CADPS2: variants seen among roughly 807,000 people sequenced by gnomAD.
CADPS2 encodes calcium dependent secretion activator 2, also known as calcium-dependent secretion activator 2.
CADPS2 carries 93 observed loss-of-function variants against 172.5 expected under a neutral mutation model. The ratio of observed to expected loss-of-function variants is 0.54; its 90% CI spans 0.46 to 0.64. The LOEUF (loss-of-function observed/expected upper bound fraction) is 0.64, where lower values mean the gene tolerates loss of function less well. Ranked by LOEUF, CADPS2 falls within the 30% of genes least tolerant of loss-of-function variation. The probability of loss-of-function intolerance (pLI) is 0.00; values close to 1 mark genes in which losing one functional copy is unlikely to be tolerated. For synonymous variants in CADPS2, 546 were observed against 555.2 expected, an observed-to-expected ratio of 0.98 and a Z score of 0.23; for missense variants, 1,420 against 1,565.9, an observed-to-expected ratio of 0.91 and a Z score of 1.57.
rs1438784051 is a variant in CADPS2 at position 122,698,613 on chromosome 7, A to G, written c.454-35044T>C. The G allele has an allele frequency of 2.0e-5, 33 of 1,614,092 alleles. No individual in the cohort carries two copies. The East Asian group carries it at 7.4e-4, about 36-fold the overall frequency. On this transcript the variant is annotated intron_variant, in intron 2 of 29. Transcript: ENST00000449022. Reference sequence around the variant, plus strand: ...TACAACCTCCCCGTTCAATAAGTGCAAGCCAGGTCTCTGAGTACTTTGATC... The same window carrying G: ...TACAACCTCCCCGTTCAATAAGTGCGAGCCAGGTCTCTGAGTACTTTGATC...
chr7:122,578,509 G>A (rs984810799), intron 7 of CADPS2, among the ~76,000 whole-genome samples: 8 of 152,002 alleles, frequency 5.3e-5, no homozygotes, highest in Non-Finnish European at 1.2e-4. Context: ...ATCTTTAGGA[G>A]GGCTTATTAA....
chr7:122,341,147 A>T (rs2036723593), intron 28 of CADPS2, among the ~76,000 whole-genome samples: 1 of 152,204 alleles, frequency 6.6e-6, no homozygotes, highest in Non-Finnish European at 1.5e-5. Context: ...CTTTTTAAAA[A>T]AATTTGGGTT....
At position 122,436,867 on chromosome 7, in the gene CADPS2, G is replaced by A. The variant is rs76220744; in HGVS notation, c.2476+1474C>T. Among the ~76,000 whole-genome samples, 1,418 of 152,136 alleles carry A rather than the reference G, an allele frequency of 9.3e-3. 26 individuals are homozygous for A. Among genetic ancestry groups the A allele is most frequent in the African/African-American group, 0.032 (1,347 of 41,518 alleles). On this transcript the variant is annotated intron_variant, in intron 17 of 29. Coordinates refer to ENST00000449022, the MANE Select transcript of CADPS2 (RefSeq NM_017954.11). ...TGGCTATAAAATACAAAGATAAAGT[G>A]CACTGCATATATCTTTTCTGTATCC...
intron 27 of CADPS2, among the ~76,000 whole-genome samples, chr7:122,351,239 G>A (rs1344287054): frequency 6.6e-6 from 1 of 151,170 alleles, no homozygotes; most frequent in South Asian, 2.1e-4. Flanking sequence ...TGGGCATGGT[G>A]GCGGGTGCCT....
chr7:122,525,786 T>C (rs980637771), intron 8 of CADPS2, among the ~76,000 whole-genome samples: 2 of 152,206 alleles, frequency 1.3e-5, no homozygotes, highest in Non-Finnish European at 2.9e-5. Context: ...TATTATATTA[T>C]GGTTAATTGA....
At chr7:122,588,888 A>G (rs2070248635) in intron 6 of CADPS2, among the ~76,000 whole-genome samples, 1 of 151,956 alleles carries the variant, frequency 6.6e-6, no homozygotes, top group South Asian at 2.1e-4. Context: ...GATTCTTGAA[A>G]ATAGGATAGT....
intron 1 of CADPS2, among the ~76,000 whole-genome samples, chr7:122,809,579 CA>C (rs34872485): frequency 0.3 from 30,561 of 101,546 alleles, 3,239 homozygotes; most frequent in African/African-American, 0.41. Flanking sequence ...GACACTGTCT[CA>C]AAAAAAAAAA....
rs556001111 is a variant in CADPS2, at chr7:122,674,979, G to A, written c.454-11410C>T. On this transcript the variant is annotated intron_variant, in intron 2 of 29. Transcript: ENST00000449022. ...AGCTTTGTAACTGTGGTGAAGTTTA[G>A]TCTCACTAGAAATCAAATAATTTTG... 4.6e-5 allele frequency among the ~76,000 whole-genome samples: 7 copies of A among 152,330 alleles called. No homozygotes were observed. In the East Asian group the frequency reaches 1.3e-3, roughly 29 times the overall value.
chr7:122,427,052 T>C (rs930007360), intron 17 of CADPS2: 1 of 152,038 alleles, frequency 6.6e-6, no homozygotes, highest in Admixed American at 6.6e-5. Flanking sequence ...CTGTTCAGAG[T>C]GTTACAGATC....
At chr7:122,513,162 A>G in intron 9 of CADPS2, 87 bp downstream of exon 9, 1 of 848,900 alleles carries the variant, frequency 1.2e-6, no homozygotes, top group Non-Finnish European at 1.9e-6. Flanking sequence ...TTTCTAAAAC[A>G]GTAAATTTTG....
intron 1 of CADPS2, among the ~76,000 whole-genome samples, chr7:122,779,811 C>T (rs1024894778): frequency 2.0e-5 from 3 of 152,150 alleles, no homozygotes; most frequent in African/African-American, 7.2e-5. Flanking sequence ...CCCCCTCTCC[C>T]TATCATGCTC....
At chr7:122,664,855 G>A (rs1245404912) in intron 2 of CADPS2, among the ~76,000 whole-genome samples, 1 of 152,028 alleles carries the variant, frequency 6.6e-6, no homozygotes, top group East Asian at 1.9e-4. Context: ...CACAATCACA[G>A]CTCACTGCAG....
At position 122,812,654 on chromosome 7, in the gene CADPS2, A is replaced by AG. The variant is rs914280420; in HGVS notation, c.339+73344dup. Among the ~76,000 whole-genome samples the AG allele has an allele frequency of 1.3e-3, 203 of 152,212 alleles. 1 individual carries two copies. The highest frequency in any genetic ancestry group is 2.3e-3 in the Non-Finnish European group (156 of 67,954). ...AAAAATGTGTGTATATTGGTGGGAC[A>AG]GGGGGAGAGGAGAGTTTGCTTTCTT... On this transcript the variant is annotated intron_variant, in intron 1 of 29. Transcript: ENST00000449022.
At chr7:122,656,562 G>A (rs1371064289) in intron 3 of CADPS2, among the ~76,000 whole-genome samples, 2 of 152,122 alleles carry the variant, frequency 1.3e-5, no homozygotes, top group Non-Finnish European at 2.9e-5. Flanking sequence ...CACTTATGAA[G>A]GTTACAGGTC....
chr7:122,853,817 G>A (rs960705612), intron 1 of CADPS2, among the ~76,000 whole-genome samples: 3 of 152,176 alleles, frequency 2.0e-5, no homozygotes, highest in African/African-American at 7.2e-5. Context: ...AGCGAAAAGC[G>A]GATGTGGGGA....
chr7:122,568,405 A>G (rs777271514), intron 7 of CADPS2, among the ~76,000 whole-genome samples: 2 of 152,198 alleles, frequency 1.3e-5, no homozygotes, highest in Non-Finnish European at 2.9e-5. Flanking sequence ...ATACACTGCC[A>G]TATCAGATAT....
chr7:122,509,640 A>G (rs1415010202), intron 9 of CADPS2, among the ~76,000 whole-genome samples: 2 of 152,182 alleles, frequency 1.3e-5, no homozygotes, highest in African/African-American at 4.8e-5. Context: ...GATGAACTGT[A>G]GTTATGTGCA....
intron 1 of CADPS2, among the ~76,000 whole-genome samples, chr7:122,820,846 A>G (rs1046111093): frequency 1.5e-5 from 2 of 134,180 alleles, no homozygotes; most frequent in Non-Finnish European, 3.2e-5. Flanking sequence ...GGCGTGAGCC[A>G]CCGCGCCCGG....
rs1563862010 is a variant in CADPS2 at position 122,615,318 on chromosome 7, TA to T, written c.1105-20del. 7.0e-7 allele frequency: 1 copy of T among 1,427,008 alleles called. No homozygotes were observed. The highest frequency in any genetic ancestry group is 1.4e-5 in the African/African-American group (1 of 70,648). The allele number at this position is 1,427,008 out of a possible 1,614,324, so 88.4% of individuals were successfully genotyped here. ...TGACAATCTAAAGATAAAATGATTT[TA>T]AAATAATGCATCAAGTTGATAACAT... On this transcript the variant is annotated intron_variant, in intron 5 of 29. Coordinates refer to ENST00000449022, the MANE Select transcript of CADPS2 (RefSeq NM_017954.11).
Sources: allele counts gnomAD v4.1 joint callset (sites outside exome capture counted in the v4.1 genomes callset), GRCh38; gene constraint gnomAD v4.1.1; transcripts MANE v1.5; gene names NCBI Gene and HGNC (gene_info 2026-07-23, HGNC 2026-07-21).